Variants in ANKRD36C observed in about 807,000 individuals in gnomAD.
ANKRD36C encodes ankyrin repeat domain 36C.
Under a neutral mutation model 276.4 loss-of-function variants are expected in ANKRD36C, and 61 were observed. That is an observed-to-expected ratio of 0.22 (90% CI 0.18 to 0.27). The LOEUF is 0.27. Ranked by LOEUF, ANKRD36C falls within the 10% of genes least tolerant of loss-of-function variation. ANKRD36C has a pLI of 1.00. For missense variants in ANKRD36C, 1,447 were observed against 2,032.3 expected (o/e 0.71, Z 5.54); for synonymous variants, 483 against 680.1 (o/e 0.71, Z 4.51).
chr2:95,889,853 T>C lies in ANKRD36C; in HGVS notation c.2905A>G (p.Asn969Asp), dbSNP rs567101290. The C allele has an allele frequency of 4.9e-5, 78 of 1,603,886 alleles. No homozygotes were observed. The African/African-American group carries it at 7.1e-4, about 15-fold the overall frequency. ...TCTGTGGCCATATTCGGAACAGAAT[T>C]TTCCTTGTCACTTGTAGCCTGAATG... is the stretch of plus-strand genomic sequence containing the variant. The change falls in exon 48 of 67, where the codon AAT becomes GAT. Residue 969 changes from asparagine to aspartate, a missense_variant. Asn to Asp is a conservative substitution (Grantham distance 23, BLOSUM62 1). Transcript: ENST00000456556.
chr2:95,954,088 C>T (rs1678270293), intron 13 of ANKRD36C, 83 bp from the exon 14 acceptor site: 3 of 1,474,584 alleles, frequency 2.0e-6, no homozygotes, highest in East Asian at 2.6e-5. Context: ...ACATGTATGT[C>T]CACTCCAAAA....
At chr2:95,917,649 ATAATCATAC>A (rs923051781) in intron 36 of ANKRD36C, among the ~76,000 whole-genome samples, 197 bp downstream of exon 38, 2 of 151,522 alleles carry the variant, frequency 1.3e-5, no homozygotes, top group African/African-American at 4.8e-5. Context: ...GGGGAAGTGT[ATAATCATAC>A]TGCAAAGATC....
intron 52 of ANKRD36C, among the ~76,000 whole-genome samples, chr2:95,885,665 A>T (rs1676183111): frequency 6.6e-6 from 1 of 151,878 alleles, no homozygotes; most frequent in South Asian, 2.1e-4. Flanking sequence ...AGGTATTAGG[A>T]TCACTTTTCC....
At position 95,919,467 on chromosome 2, in the gene ANKRD36C, C is replaced by T. The variant is rs1181617879; in HGVS notation, c.2246-1425G>A. 1.5e-5 allele frequency among the ~76,000 whole-genome samples: 2 copies of T among 133,156 alleles called. 1 individual carries two copies. Among genetic ancestry groups the T allele is most frequent in the Non-Finnish European group, 3.4e-5 (2 of 59,586 alleles). The allele number at this position is 133,156 out of a possible 152,430, so 87.4% of individuals were successfully genotyped here. On this transcript the variant is annotated intron_variant, in intron 34 of 66. Coordinates refer to ENST00000456556, the Ensembl canonical transcript of ANKRD36C. ...GCAAAACTATGCTGTTCCCCAGAACCCCTTATGTCTTGAACTGCTCTCCCT... is the reference window on the plus strand; with the variant it reads ...GCAAAACTATGCTGTTCCCCAGAACTCCTTATGTCTTGAACTGCTCTCCCT...
rs563253002 is a variant in ANKRD36C at position 95,888,746 on chromosome 2, C to G, written c.2960-626G>C. ...AAGTTTCTTGTATCCACTCGTTTAG[C>G]CTTCTGAAAGTTTCTTCATCCACTC... On this transcript the variant is annotated intron_variant, in intron 48 of 66. Transcript: ENST00000456556. Among the ~76,000 whole-genome samples the G allele has an allele frequency of 1.2e-4, 18 of 151,698 alleles. No homozygotes were observed. In the East Asian group the frequency reaches 2.1e-3, roughly 18 times the overall value.
At chr2:95,978,241 T>C in intron 5 of ANKRD36C, 52 bp from the exon 6 acceptor site, 1 of 528,314 alleles carries the variant, frequency 1.9e-6, no homozygotes. Context: ...ATCAAAAACA[T>C]TTACCAAATA....
chr2:95,878,764 A>G (rs975614027), intron 58 of ANKRD36C, among the ~76,000 whole-genome samples: 4 of 152,344 alleles, frequency 2.6e-5, no homozygotes, highest in Admixed American at 6.5e-5. Context: ...ATGAGGTATC[A>G]TCTCACCTCA....
At chr2:95,929,794 G>T (rs1202709235) in intron 24 of ANKRD36C, among the ~76,000 whole-genome samples, 1 of 151,288 alleles carries the variant, frequency 6.6e-6, no homozygotes, top group East Asian at 2.0e-4. Context: ...AACTTAATCA[G>T]CTTGGATATA....
intron 46 of ANKRD36C, among the ~76,000 whole-genome samples, chr2:95,891,172 A>C (rs1676343302): frequency 6.6e-6 from 1 of 151,400 alleles, no homozygotes; most frequent in Non-Finnish European, 1.5e-5. Flanking sequence ...AATTATATAA[A>C]AGAATTCCTC....
chr2:95,915,767 C>A (rs193175920), intron 38 of ANKRD36C, among the ~76,000 whole-genome samples: 2 of 151,558 alleles, frequency 1.3e-5, no homozygotes, highest in Admixed American at 6.6e-5. Flanking sequence ...TTTCTTCCTC[C>A]CAATTGCAAT....
chr2:95,966,435 C>CG (rs1181315371), intron 6 of ANKRD36C, among the ~76,000 whole-genome samples: 1 of 152,054 alleles, frequency 6.6e-6, no homozygotes, highest in African/African-American at 2.4e-5. Flanking sequence ...ATCCTTACCC[C>CG]ATTCCTTTTG....
At chr2:95,915,358 T>C (rs1677061220) in intron 38 of ANKRD36C, among the ~76,000 whole-genome samples, 1 of 151,512 alleles carries the variant, frequency 6.6e-6, no homozygotes, top group African/African-American at 2.4e-5. Context: ...TTATGCCAAT[T>C]CAAGCACTGT....
At chr2:95,939,111 C>G in intron 20 of ANKRD36C, 96 bp from the exon 21 acceptor site, 1 of 1,470,564 alleles carries the variant, frequency 6.8e-7, no homozygotes, top group Non-Finnish European at 8.9e-7. Flanking sequence ...AATCTTCGTG[C>G]TTGCCCTTGA....
At chr2:95,912,530 GC>G (rs2104400388) in intron 40 of ANKRD36C, 95 bp from the exon 43 acceptor site, 15 of 1,579,860 alleles carry the variant, frequency 9.5e-6, no homozygotes, top group Non-Finnish European at 1.2e-5. Flanking sequence ...CTGACCTCCT[GC>G]CTGTATTAGT....
chr2:95,920,817 G>T (rs1483736763), intron 34 of ANKRD36C, among the ~76,000 whole-genome samples: 2 of 150,192 alleles, frequency 1.3e-5, no homozygotes, highest in East Asian at 3.9e-4. Flanking sequence ...GAAGTTTCAT[G>T]AAATAGCTAT....
chr2:95,858,070 G>A (rs1249520508), intron 61 of ANKRD36C, among the ~76,000 whole-genome samples: 3 of 151,884 alleles, frequency 2.0e-5, no homozygotes, highest in Admixed American at 1.3e-4. Context: ...GAGTTGGCCT[G>A]CCTTTCTGAA....
In ANKRD36C at chr2:95,880,628, C is replaced by G. The variant is rs775591089; in HGVS notation, c.3368-5G>C. 2.9e-4 allele frequency: 434 copies of G among 1,518,276 alleles called. 1 individual carries two copies. Among genetic ancestry groups the G allele is most frequent in the Middle Eastern group, 1.5e-3 (9 of 5,890 alleles). The allele number at this position is 1,518,276 out of a possible 1,614,324, so 94.1% of individuals were successfully genotyped here. ...TGGGCAGATTCTCAGGATACTCTAACAAGCAAGAGAAATATATAATCAATC... is the reference window on the plus strand; with the variant it reads ...TGGGCAGATTCTCAGGATACTCTAAGAAGCAAGAGAAATATATAATCAATC... On this transcript the variant is annotated splice_region_variant and splice_polypyrimidine_tract_variant and intron_variant, in intron 56 of 66. Transcript: ENST00000456556.
chr2:95,859,783 C>T (rs887778711), intron 61 of ANKRD36C, 78 bp downstream of exon 81: 221 of 1,476,224 alleles, frequency 1.5e-4, no homozygotes, highest in East Asian at 3.0e-4. Flanking sequence ...AAGGAAAGTT[C>T]GCAATTACAA....
At position 95,852,106 on chromosome 2, in the gene ANKRD36C, T is replaced by G. The variant is rs1675306829; in HGVS notation, c.5219+20A>C. On this transcript the variant is annotated intron_variant, in intron 65 of 66. Transcript: ENST00000456556. ...CTTTATAAATACTCAAGTTATTTTG[T>G]GTGCTGCTTCAAATTTTACTTTTGT... is the stretch of plus-strand genomic sequence containing the variant. 1 of 1,599,028 alleles carries G rather than the reference T, an allele frequency of 6.3e-7. No individual in the cohort carries two copies. Among genetic ancestry groups the G allele is most frequent in the African/African-American group, 1.3e-5 (1 of 74,442 alleles).
Sources: allele counts gnomAD v4.1 joint callset (sites outside exome capture counted in the v4.1 genomes callset), GRCh38; gene constraint gnomAD v4.1.1; transcripts MANE v1.5; gene names NCBI Gene and HGNC (gene_info 2026-07-23, HGNC 2026-07-21).